Variants in HNRNPAB observed in about 807,000 individuals in gnomAD.
HNRNPAB encodes the protein heterogeneous nuclear ribonucleoprotein A/B.
HNRNPAB carries 17 observed loss-of-function variants against 44.1 expected under a neutral mutation model. That is an observed-to-expected ratio of 0.39 (90% CI 0.26 to 0.58). HNRNPAB has a LOEUF of 0.58. Among genes scored for constraint, HNRNPAB ranks in the 20% least tolerant of loss-of-function variants. The pLI, the probability that HNRNPAB is intolerant of heterozygous loss-of-function variation, is 0.63. For missense variants in HNRNPAB, 393 were observed against 432.7 expected (o/e 0.91, Z 0.81); for synonymous variants, 183 against 167.6 (o/e 1.09, Z -0.71).
chr5:178,206,958 C>A (rs1757090880), intron 4 of HNRNPAB, 68 bp downstream of exon 4: 2 of 1,598,520 alleles, frequency 1.3e-6, no homozygotes, highest in South Asian at 2.2e-5. Context: ...TCCTTGGTAT[C>A]CTTGGCTGGC....
At chr5:178,210,457 C>CA (rs1386170051) in intron 7 of HNRNPAB, 96 bp from the exon 8 acceptor site, 8 of 1,494,264 alleles carry the variant, frequency 5.4e-6, no homozygotes, top group Non-Finnish European at 7.4e-6. Context: ...TCTCTGCTGT[C>CA]ACGGCTGGTG....
chr5:178,209,304 C>G (rs1312480580), intron 5 of HNRNPAB, 26 bp from the exon 6 acceptor site: 3 of 1,597,878 alleles, frequency 1.9e-6, no homozygotes, highest in Admixed American at 3.3e-5. Context: ...TCCTACTGGC[C>G]TGACCACTGT....
intron 5 of HNRNPAB, 72 bp from the exon 6 acceptor site, chr5:178,209,258 A>C (rs1757407991): frequency 8.7e-7 from 1 of 1,145,980 alleles, no homozygotes; most frequent in South Asian, 1.2e-5. Context: ...TGTTTGTCGC[A>C]GTGAAGGTGT....
intron 5 of HNRNPAB, among the ~76,000 whole-genome samples, chr5:178,208,158 A>G (rs915437762): frequency 1.3e-5 from 2 of 152,126 alleles, no homozygotes; most frequent in South Asian, 2.1e-4. Flanking sequence ...TCAGGCTTCA[A>G]GTTGGCAGTT....
At chr5:178,207,513 A>G (rs1336001152) in intron 5 of HNRNPAB, among the ~76,000 whole-genome samples, 1 of 152,074 alleles carries the variant, frequency 6.6e-6, no homozygotes. Context: ...TTAAAGCTAG[A>G]GGTGACAGTT....
At chr5:178,207,596 A>G (rs1381400266) in intron 5 of HNRNPAB, among the ~76,000 whole-genome samples, 4 of 151,374 alleles carry the variant, frequency 2.6e-5, no homozygotes, top group Non-Finnish European at 5.9e-5. Context: ...TCTGCAACTC[A>G]CTGATTCTCC....
At position 178,206,826 on chromosome 5, in the gene HNRNPAB, T is replaced by C; in HGVS notation, c.473T>C (p.Val158Ala). 1 of 1,614,180 alleles carries C rather than the reference T, an allele frequency of 6.2e-7. No homozygotes were observed. Among genetic ancestry groups the C allele is most frequent in the Non-Finnish European group, 8.5e-7 (1 of 1,180,024 alleles). The part of the protein sequence containing the change: ...MKKDPVKKIF[V>A]GGLNPEATEE... ...AAGGACCCGGTGAAGAAAATCTTCG[T>C]TGGGGGTCTGAATCCTGAAGCCACT... Residue 158 changes from valine (V) to alanine (A), a missense_variant, in exon 4 of 8, where the codon GTT becomes GCT. Val to Ala is a moderately conservative substitution (Grantham distance 64). Transcript: ENST00000358344.
rs1236247296 is a variant in HNRNPAB at position 178,210,597 on chromosome 5, C to T, written c.973C>T (p.His325Tyr). 3.7e-6 allele frequency: 6 copies of T among 1,613,976 alleles called. No individual in the cohort carries two copies. The Admixed American group carries it at 8.3e-5, about 22-fold the overall frequency. The change falls in exon 8 of 8, where the codon CAT becomes TAT. Residue 325 changes from histidine to tyrosine, a missense_variant. His to Tyr is a moderately conservative substitution (Grantham distance 83). This residue lies in a region of HNRNPAB where 210 missense variants were observed against 196.9 expected (regional missense o/e 1.07). Coordinates refer to ENST00000358344, the MANE Select transcript of HNRNPAB (RefSeq NM_031266.3). ...CGGCAAGAGCCAGCGACGTGGTGGC[C>T]ATCAGAATAACTACAAGCCATACTG... ...NYGKSQRRGG[H>Y]QNNYKPY
chr5:178,207,253 T>C, intron 5 of HNRNPAB, 28 bp downstream of exon 5: 1 of 1,612,476 alleles, frequency 6.2e-7, no homozygotes, highest in East Asian at 2.2e-5. Flanking sequence ...CTGCTTGGCC[T>C]CCTGTGCTGC....
chr5:178,210,443 G>GCAAT, intron 7 of HNRNPAB, 110 bp from the exon 8 acceptor site: 1 of 1,498,252 alleles, frequency 6.7e-7, no homozygotes, highest in Non-Finnish European at 9.2e-7. Flanking sequence ...CATGAGGAAG[G>GCAAT]CAGTCTCTGC....
intron 2 of HNRNPAB, among the ~76,000 whole-genome samples, chr5:178,205,350 C>G (rs963417351): frequency 2.0e-5 from 3 of 151,804 alleles, no homozygotes; most frequent in Non-Finnish European, 4.4e-5. Context: ...CGCTCGGACC[C>G]GGGGCCCGGC....
intron 5 of HNRNPAB, among the ~76,000 whole-genome samples, chr5:178,207,701 T>G (rs1757141488): frequency 1.4e-5 from 2 of 145,602 alleles, no homozygotes; most frequent in East Asian, 4.0e-4. Context: ...CTTTTTTTTT[T>G]TTTTTTTTTT....
At chr5:178,210,524 G>GT in intron 7 of HNRNPAB, 29 bp from the exon 8 acceptor site, 1 of 1,607,760 alleles carries the variant, frequency 6.2e-7, no homozygotes, top group Non-Finnish European at 8.5e-7. Context: ...CTTGTAAATA[G>GT]TAGCTGCTAT....
intron 3 of HNRNPAB, 139 bp downstream of exon 3, chr5:178,206,149 T>C (rs2113537989): frequency 1.3e-6 from 1 of 770,734 alleles, no homozygotes; most frequent in Non-Finnish European, 2.1e-6. Flanking sequence ...CCGGAGGTTA[T>C]GTTCCGGTTT....
Position 178,207,187 on chromosome 5 carries a change from G to A in HNRNPAB, c.631G>A (p.Val211Ile). 2 of 1,614,218 alleles carry A rather than the reference G, an allele frequency of 1.2e-6. No homozygotes were observed. Among genetic ancestry groups the A allele is most frequent in the Middle Eastern group, 1.6e-4 (1 of 6,062 alleles). The change falls in exon 5 of 8, where the codon GTT becomes ATT. Residue 211 changes from valine to isoleucine, a missense_variant. Physicochemically the swap from Val to Ile is conservative, Grantham distance 29. Coordinates refer to ENST00000358344, the MANE Select transcript of HNRNPAB (RefSeq NM_031266.3). ...TFKEEEPVKK[V>I]LEKKFHTVSG... ...TAAAGAAGAAGAACCCGTGAAGAAG[G>A]TTCTGGAGAAAAAGTTCCATACTGT...
At position 178,209,546 on chromosome 5, in the gene HNRNPAB, G is replaced by C. The variant is rs552778729; in HGVS notation, c.787+99G>C. The C allele has an allele frequency of 2.4e-5, 25 of 1,036,402 alleles. No individual in the cohort carries two copies. The East Asian group carries it at 5.6e-4, about 23-fold the overall frequency. The allele number at this position is 1,036,402 out of a possible 1,614,324, so 64.2% of individuals were successfully genotyped here. A position where few individuals can be genotyped will look rare whatever the true frequency, so the allele number is the denominator to read the frequency against. On this transcript the variant is annotated intron_variant, in intron 6 of 7. Transcript: ENST00000358344. ...CCCTCTGGTGCTGTGCAGCAGGGGT[G>C]GGCAGATTGTGTGAGGTTGGGGACG...
chr5:178,210,440 A>G (rs142985861), intron 7 of HNRNPAB, 113 bp from the exon 8 acceptor site: 2 of 1,509,184 alleles, frequency 1.3e-6, no homozygotes, highest in Non-Finnish European at 1.8e-6. Flanking sequence ...TAACATGAGG[A>G]AGGCAGTCTC....
chr5:178,210,668 G>A lies in HNRNPAB; in HGVS notation c.*45G>A. The A allele has an allele frequency of 6.9e-7, 1 of 1,455,524 alleles. No homozygotes were observed. The highest frequency in any genetic ancestry group is 1.1e-5 in the South Asian group (1 of 87,866). 90.2% of individuals were successfully genotyped at this position (1,455,524 alleles called of 1,614,324 possible). A position where few individuals can be genotyped will look rare whatever the true frequency, so the allele number is the denominator to read the frequency against. ...AACTGATCGCACACATGCTTTGTTTGGATATGGAGTGAACACAATTATGTA... is the reference window on the plus strand; with the variant it reads ...AACTGATCGCACACATGCTTTGTTTAGATATGGAGTGAACACAATTATGTA... On this transcript the variant is annotated 3_prime_UTR_variant, in exon 8 of 8. Coordinates refer to ENST00000358344, the MANE Select transcript of HNRNPAB (RefSeq NM_031266.3).
At position 178,205,061 on chromosome 5, in the gene HNRNPAB, G is replaced by A. The variant is rs1756985770; in HGVS notation, c.209+15G>A. 8.3e-7 allele frequency: 1 copy of A among 1,201,588 alleles called. No individual in the cohort carries two copies. Among genetic ancestry groups the A allele is most frequent in the Non-Finnish European group, 1.0e-6 (1 of 968,204 alleles). 74.4% of individuals were successfully genotyped at this position (1,201,588 alleles called of 1,614,324 possible). On this transcript the variant is annotated intron_variant, in intron 2 of 7. Coordinates refer to ENST00000358344, the MANE Select transcript of HNRNPAB (RefSeq NM_031266.3). Reference sequence around the variant, plus strand: ...GAGGACGCGGGGTAGGTGCGGCCGCGGGCGGACGGGGGCGCCGCCTTTGTT... The same window carrying A: ...GAGGACGCGGGGTAGGTGCGGCCGCAGGCGGACGGGGGCGCCGCCTTTGTT...
Sources: allele counts gnomAD v4.1 joint callset (sites outside exome capture counted in the v4.1 genomes callset), GRCh38; gene constraint gnomAD v4.1.1; regional missense constraint gnomAD v4.1.1; transcripts MANE v1.5; gene names NCBI Gene and HGNC (gene_info 2026-07-23, HGNC 2026-07-21).